The following ERG variants were observed in gnomAD, a reference collection of about 807,000 sequenced individuals.
ERG encodes ETS transcription factor ERG.
In ERG, 9 loss-of-function variants were observed where a neutral mutation model predicts 55.3. The observed-to-expected ratio is 0.16, with a 90% CI of 0.10 to 0.28. The LOEUF (loss-of-function observed/expected upper bound fraction) is 0.28. ERG is among the 10% of genes least tolerant of loss of function. The pLI is 1.00. For synonymous variants in ERG, 223 were observed against 237.3 expected, an observed-to-expected ratio of 0.94 and a Z score of 0.55; for missense variants, 434 against 631.6, an observed-to-expected ratio of 0.69 and a Z score of 3.35.
At chr21:38,487,839 G>A (rs1319948470) in intron 1 of ERG, among the ~76,000 whole-genome samples, 1 of 152,174 alleles carries the variant, frequency 6.6e-6, no homozygotes, top group Non-Finnish European at 1.5e-5. Context: ...AAAAGTATGT[G>A]AAGAAATGAG....
intron 1 of ERG, among the ~76,000 whole-genome samples, chr21:38,492,839 T>C (rs1601130702): frequency 6.6e-6 from 1 of 151,976 alleles, no homozygotes; most frequent in African/African-American, 2.4e-5. Flanking sequence ...AATCCAGAGG[T>C]CACAGTGGAC....
chr21:38,506,399 T>A (rs1232164718), intron 2 of ERG, among the ~76,000 whole-genome samples: 1 of 152,220 alleles, frequency 6.6e-6, no homozygotes, highest in African/African-American at 2.4e-5. Context: ...TGGATTATAC[T>A]GTAATATATC....
chr21:38,435,067 C>G (rs1990386146), intron 2 of ERG, among the ~76,000 whole-genome samples: 1 of 152,156 alleles, frequency 6.6e-6, no homozygotes, highest in Non-Finnish European at 1.5e-5. Flanking sequence ...AATGGAAAGG[C>G]TTTCTTTGGC....
intron 2 of ERG, among the ~76,000 whole-genome samples, chr21:38,561,455 C>CTT (rs770497839): frequency 1.7e-3 from 227 of 135,730 alleles, no homozygotes; most frequent in African/African-American, 5.6e-3. Context: ...CTACACAATC[C>CTT]TTTTTTTTTT....
At chr21:38,504,652 G>A (rs559408838) in intron 2 of ERG, among the ~76,000 whole-genome samples, 43 of 152,300 alleles carry the variant, frequency 2.8e-4, no homozygotes, top group African/African-American at 8.7e-4. Context: ...GGCTTCGTAT[G>A]CCCACAGGGC....
At chr21:38,591,146 A>G (rs1028137546) in intron 1 of ERG, among the ~76,000 whole-genome samples, 9 of 152,224 alleles carry the variant, frequency 5.9e-5, no homozygotes, top group African/African-American at 2.4e-5. Context: ...CATGGAAGCC[A>G]AGGAAGGACA....
intron 1 of ERG, among the ~76,000 whole-genome samples, chr21:38,644,248 A>C (rs2060442818): frequency 6.6e-6 from 1 of 152,252 alleles, no homozygotes; most frequent in African/African-American, 2.4e-5. Context: ...TCTGCAAACC[A>C]CCATGATGAT....
chr21:38,420,031 G>GTTT lies in ERG; in HGVS notation c.388+3376_388+3378dup, dbSNP rs34463414. 3.2e-3 allele frequency among the ~76,000 whole-genome samples: 465 copies of GTTT among 144,602 alleles called. 4 individuals carry two copies. The highest frequency in any genetic ancestry group is 0.01 in the African/African-American group (407 of 39,702). 94.9% of individuals were successfully genotyped at this position (144,602 alleles called of 152,430 possible). A position where few individuals can be genotyped will look rare whatever the true frequency, so the allele number is the denominator to read the frequency against. ...TACAAATGTTTAGGAATAACTGATGGTTTTTTTTTTTTTCACTCAGCTATC... is the reference window on the plus strand; with the variant it reads ...TACAAATGTTTAGGAATAACTGATGGTTTTTTTTTTTTTTTTCACTCAGCTATC... On this transcript the variant is annotated intron_variant, in intron 3 of 9. Transcript: ENST00000288319.
chr21:38,548,494 CTGG>C (rs1341786868), intron 2 of ERG, among the ~76,000 whole-genome samples: 1 of 149,978 alleles, frequency 6.7e-6, no homozygotes, highest in African/African-American at 2.5e-5. Context: ...GTTGCCCAGG[CTGG>C]AGTGCAGTGG....
chr21:38,652,258 A>G (rs464519), intron 1 of ERG, among the ~76,000 whole-genome samples: 49,797 of 151,830 alleles, frequency 0.33, 8,602 homozygotes, highest in East Asian at 0.49. Context: ...ATTCCCGCCA[A>G]TCCAGATCCA....
chr21:38,508,688 C>T (rs1443971843), intron 2 of ERG, among the ~76,000 whole-genome samples: 3 of 152,188 alleles, frequency 2.0e-5, no homozygotes, highest in African/African-American at 7.2e-5. Context: ...ATTTGCCATA[C>T]CACCATGGCA....
intron 2 of ERG, among the ~76,000 whole-genome samples, chr21:38,518,873 T>C (rs2059573028): frequency 6.6e-6 from 1 of 152,184 alleles, no homozygotes; most frequent in African/African-American, 2.4e-5. Context: ...GAGTGGAAGA[T>C]GATATCTTTA....
Position 38,381,399 on chromosome 21 carries a change from T to C in ERG, c.*2004A>G. ...GCCCAGGGAAACTGACTCTAGATTATGGAAATAAACATTGTCTTCAAGGGA... is the reference window on the plus strand; with the variant it reads ...GCCCAGGGAAACTGACTCTAGATTACGGAAATAAACATTGTCTTCAAGGGA... On this transcript the variant is annotated 3_prime_UTR_variant, in exon 10 of 10. Coordinates refer to ENST00000288319, the MANE Select transcript of ERG (RefSeq NM_182918.4). The C allele has an allele frequency of 9.4e-7, 1 of 1,063,088 alleles. No homozygotes were observed. The highest frequency in any genetic ancestry group is 5.0e-5 in the East Asian group (1 of 19,802). The allele number at this position is 1,063,088 out of a possible 1,614,324, so 65.9% of individuals were successfully genotyped here. A position where few individuals can be genotyped will look rare whatever the true frequency, so the allele number is the denominator to read the frequency against.
intron 2 of ERG, among the ~76,000 whole-genome samples, chr21:38,534,660 G>A (rs1002782550): frequency 6.6e-6 from 1 of 152,106 alleles, no homozygotes; most frequent in African/African-American, 2.4e-5. Flanking sequence ...AAACAGTATG[G>A]TGGCTCCTCA....
chr21:38,396,874 C>T (rs973710335), intron 6 of ERG, among the ~76,000 whole-genome samples: 2 of 152,052 alleles, frequency 1.3e-5, no homozygotes, highest in South Asian at 4.2e-4. Context: ...GTAACTGCAA[C>T]AACGTGAGAA....
chr21:38,507,991 A>ACACATACACC (rs2059478228), intron 2 of ERG, among the ~76,000 whole-genome samples: 2 of 151,810 alleles, frequency 1.3e-5, no homozygotes, highest in East Asian at 1.9e-4. Context: ...ACACAGACAC[A>ACACATACACC]CACACATGCA....
chr21:38,525,598 C>T (rs1347144001), intron 2 of ERG, among the ~76,000 whole-genome samples: 2 of 152,198 alleles, frequency 1.3e-5, no homozygotes, highest in Non-Finnish European at 2.9e-5. Flanking sequence ...TACCTCATCC[C>T]CCACCCAACC....
intron 2 of ERG, among the ~76,000 whole-genome samples, chr21:38,550,482 A>G (rs1446906071): frequency 6.6e-6 from 1 of 152,220 alleles, no homozygotes; most frequent in African/African-American, 2.4e-5. Flanking sequence ...CATGAATTGC[A>G]TTAGTACCTT....
intron 1 of ERG, among the ~76,000 whole-genome samples, chr21:38,487,096 G>C (rs530223665): frequency 6.8e-6 from 1 of 146,946 alleles, no homozygotes; most frequent in African/African-American, 2.5e-5. Flanking sequence ...TTTCTAAATC[G>C]TAACAAGTTC....
Sources: allele counts gnomAD v4.1 joint callset (sites outside exome capture counted in the v4.1 genomes callset), GRCh38; gene constraint gnomAD v4.1.1; transcripts MANE v1.5; gene names NCBI Gene and HGNC (gene_info 2026-07-23, HGNC 2026-07-21).